KCTD1: variants seen among roughly 807,000 people sequenced by gnomAD.
KCTD1 encodes the protein potassium channel tetramerization domain containing 1, also known as BTB/POZ domain-containing protein KCTD1.
In KCTD1, 24 loss-of-function variants were observed where a neutral mutation model predicts 66.0. That is an observed-to-expected ratio of 0.36 (90% CI 0.26 to 0.51). KCTD1 has a LOEUF of 0.51. Among genes scored for constraint, KCTD1 ranks in the 20% least tolerant of loss-of-function variants. The pLI, the probability that KCTD1 is intolerant of heterozygous loss-of-function variation, is 0.95. For missense variants in KCTD1, 943 were observed against 1,205.2 expected, an observed-to-expected ratio of 0.78 and a Z score of 3.22; for synonymous variants, 511 against 517.2, an observed-to-expected ratio of 0.99 and a Z score of 0.16.
intron 1 of KCTD1, among the ~76,000 whole-genome samples, chr18:26,509,771 G>A (rs73399592): frequency 0.018 from 2,807 of 152,212 alleles, 85 homozygotes; most frequent in African/African-American, 0.065. Flanking sequence ...CATATACAGG[G>A]CACCCTAAGT....
intron 1 of KCTD1, among the ~76,000 whole-genome samples, chr18:26,508,255 G>A (rs1238376826): frequency 6.6e-6 from 1 of 152,078 alleles, no homozygotes; most frequent in Non-Finnish European, 1.5e-5. Flanking sequence ...TTTCCTAGCT[G>A]CTTCCCATAG....
At chr18:26,590,508 G>T (rs745719544) in intron 1 of KCTD1, among the ~76,000 whole-genome samples, 2 of 152,070 alleles carry the variant, frequency 1.3e-5, no homozygotes, top group Admixed American at 6.6e-5. Flanking sequence ...ATTTAGAAAG[G>T]TCGCTGATCA....
At chr18:26,573,400 A>G (rs1986154465) in intron 1 of KCTD1, among the ~76,000 whole-genome samples, 1 of 152,236 alleles carries the variant, frequency 6.6e-6, no homozygotes, top group Non-Finnish European at 1.5e-5. Flanking sequence ...AAAATTGTTA[A>G]GATGGTAAAT....
upstream of KCTD1, chr18:26,549,028 G>T (rs1055855508): frequency 1.2e-5 from 12 of 985,050 alleles, no homozygotes; most frequent in East Asian, 9.2e-4. Context: ...CGGAGCCGGG[G>T]GGTCGGGGCG....
intron 1 of KCTD1, among the ~76,000 whole-genome samples, chr18:26,560,941 A>G (rs1985832807): frequency 6.6e-6 from 1 of 152,226 alleles, no homozygotes. Flanking sequence ...ACACAAAGAT[A>G]TATGTACAAG....
chr18:26,620,018 G>A (rs528831), intron 1 of KCTD1, among the ~76,000 whole-genome samples: 143,518 of 152,186 alleles, frequency 0.94, 68,030 homozygotes, highest in East Asian at 1. Flanking sequence ...TTCACAAGGA[G>A]ACCCTGCATA....
chr18:26,577,725 GT>G (rs372315881), intron 1 of KCTD1, among the ~76,000 whole-genome samples: 46 of 150,220 alleles, frequency 3.1e-4, no homozygotes, highest in African/African-American at 1.0e-3. Context: ...AGTTTTTAGT[GT>G]TTTTTTTTGT....
intron 3 of KCTD1, among the ~76,000 whole-genome samples, chr18:26,475,055 A>G (rs894188209): frequency 6.6e-6 from 1 of 151,954 alleles, no homozygotes; most frequent in Non-Finnish European, 1.5e-5. Context: ...TCAAATTCCT[A>G]TGCACCTGTA....
At chr18:26,553,845 A>G (rs1482768054) in intron 1 of KCTD1, among the ~76,000 whole-genome samples, 4 of 134,528 alleles carry the variant, frequency 3.0e-5, no homozygotes, top group Non-Finnish European at 1.6e-5. Flanking sequence ...AAAAAAAAAA[A>G]GGTGAAGACA....
intron 1 of KCTD1, among the ~76,000 whole-genome samples, chr18:26,605,724 A>ATCTATC (rs1555646503): frequency 2.2e-5 from 3 of 136,148 alleles, no homozygotes; most frequent in Middle Eastern, 3.6e-3. Context: ...ATATATCTCT[A>ATCTATC]TATCTATCTA....
chr18:26,656,108 C>A (rs1024664056), intron 1 of KCTD1, among the ~76,000 whole-genome samples: 1 of 152,146 alleles, frequency 6.6e-6, no homozygotes, highest in African/African-American at 2.4e-5. Flanking sequence ...GAATCCCTCC[C>A]GCCCACCTCT....
At chr18:26,512,733 C>T (rs1983401795) in intron 1 of KCTD1, among the ~76,000 whole-genome samples, 1 of 152,108 alleles carries the variant, frequency 6.6e-6, no homozygotes, top group African/African-American at 2.4e-5. Flanking sequence ...GGAATCCCAG[C>T]ACTTTGGGAG....
chr18:26,652,061 G>A (rs1250406687), intron 1 of KCTD1, among the ~76,000 whole-genome samples: 1 of 152,136 alleles, frequency 6.6e-6, no homozygotes, highest in African/African-American at 2.4e-5. Context: ...GGGTTTCAGA[G>A]GCAGCTGAGA....
At chr18:26,643,913 G>C (rs1689475287), upstream of KCTD1, among the ~76,000 whole-genome samples, 1 of 151,930 alleles carries the variant, frequency 6.6e-6, no homozygotes, top group African/African-American at 2.4e-5. Flanking sequence ...AGTGAGCTGA[G>C]ATAGCACCAC....
intron 1 of KCTD1, among the ~76,000 whole-genome samples, chr18:26,573,605 A>C (rs1986159420): frequency 6.6e-6 from 1 of 152,198 alleles, no homozygotes; most frequent in South Asian, 2.1e-4. Context: ...GTGTGCTACA[A>C]ATGCAGTCGG....
upstream of KCTD1, among the ~76,000 whole-genome samples, chr18:26,632,365 G>T (rs1247753224): frequency 6.6e-6 from 1 of 152,118 alleles, no homozygotes; most frequent in Non-Finnish European, 1.5e-5. Context: ...CAGCCTGGGT[G>T]ACAGAGTGAG....
intron 3 of KCTD1, among the ~76,000 whole-genome samples, chr18:26,470,154 T>G (rs1295600088): frequency 6.6e-6 from 1 of 152,218 alleles, no homozygotes; most frequent in Non-Finnish European, 1.5e-5. Flanking sequence ...CACAAATATT[T>G]ACATGCTTAA....
At chr18:26,621,356 T>C (rs1320422176) in intron 1 of KCTD1, among the ~76,000 whole-genome samples, 2 of 152,126 alleles carry the variant, frequency 1.3e-5, no homozygotes, top group East Asian at 1.9e-4. Context: ...GACTACCTGA[T>C]GGTGCACGTT....
chr18:26,488,841 C>T (rs992161267), intron 2 of KCTD1, among the ~76,000 whole-genome samples: 7 of 152,208 alleles, frequency 4.6e-5, no homozygotes, highest in East Asian at 3.8e-4. Context: ...CATTATCCAA[C>T]GAGTGTCTTT....
Sources: gnomAD v4.1 joint callset for allele counts (sites outside exome capture counted in the v4.1 genomes callset) on GRCh38, gnomAD v4.1.1 for gene constraint, MANE v1.5 for transcripts, NCBI Gene and HGNC (gene_info 2026-07-23, HGNC 2026-07-21) for gene names.